The following RGS3 variants were observed in gnomAD, a reference collection of about 807,000 sequenced individuals.
The protein encoded by RGS3 is regulator of G-protein signalling 3.
Under a neutral mutation model 132.6 loss-of-function variants are expected in RGS3, and 80 were observed. The observed-to-expected ratio is 0.60, with a 90% CI of 0.50 to 0.73. RGS3 has a LOEUF of 0.73. RGS3 is among the 30% of genes least tolerant of loss of function. RGS3 has a pLI of 0.00. For synonymous variants in RGS3, 598 were observed against 620.6 expected (o/e 0.96, Z 0.54); for missense variants, 1,382 against 1,530.8 (o/e 0.90, Z 1.62).
chr9:113,463,579 G>GGGC lies in RGS3; in HGVS notation c.415+1378_415+1379insGGC. ...CGTCGCTGCTCAGCGCGGGTCGGCG[G>GGGC]CGCCGCCTCCCCCACCCCGGCCCAG... On this transcript the variant is annotated intron_variant, in intron 3 of 24. Coordinates refer to ENST00000350696, the Ensembl canonical transcript of RGS3. The surrounding 1 kb of genome is among the most constrained non-coding windows in gnomAD (Gnocchi z 4.6). 1.2e-6 allele frequency: 1 copy of GGGC among 860,076 alleles called. No homozygotes were observed. The highest frequency in any genetic ancestry group is 1.6e-6 in the Non-Finnish European group (1 of 620,320). The allele number at this position is 860,076 out of a possible 1,614,324, so 53.3% of individuals were successfully genotyped here. A position where few individuals can be genotyped will look rare whatever the true frequency, so the allele number is the denominator to read the frequency against.
At chr9:113,485,197 C>T (rs1356456907) in intron 6 of RGS3, among the ~76,000 whole-genome samples, 1 of 152,138 alleles carries the variant, frequency 6.6e-6, no homozygotes, top group Non-Finnish European at 1.5e-5. Context: ...ACGCCATTCT[C>T]CTGCCTCAGC....
At position 113,463,483 on chromosome 9, in the gene RGS3, C is replaced by G. The variant is rs1165437930; in HGVS notation, c.415+1282C>G. Among the ~76,000 whole-genome samples, 1 of 152,178 alleles carries G rather than the reference C, an allele frequency of 6.6e-6. No homozygotes were observed. Among genetic ancestry groups the G allele is most frequent in the Non-Finnish European group, 1.5e-5 (1 of 68,016 alleles). ...CTTCTCGTGGGACTGGCATTTCCAA[C>G]CGGGAGCGCGGTGCTGGGGCCGGGA... On this transcript the variant is annotated intron_variant, in intron 3 of 24. Coordinates refer to ENST00000350696, the Ensembl canonical transcript of RGS3. This position sits in a 1 kb window ranked among gnomAD's most constrained non-coding sequence, Gnocchi z 4.6.
At chr9:113,551,220 A>T (rs1174970793) in intron 19 of RGS3, among the ~76,000 whole-genome samples, 2 of 152,258 alleles carry the variant, frequency 1.3e-5, no homozygotes, top group Non-Finnish European at 2.9e-5. Context: ...AGGGAATTAT[A>T]TAATATTTGG....
chr9:113,555,918 T>A (rs1564565395), intron 19 of RGS3, among the ~76,000 whole-genome samples: 1 of 152,216 alleles, frequency 6.6e-6, no homozygotes, highest in African/African-American at 2.4e-5. Flanking sequence ...CATTCTTGAC[T>A]TCTCGATTTT....
At chr9:113,456,126 C>T (rs1032268273), upstream of RGS3, among the ~76,000 whole-genome samples, 2 of 152,186 alleles carry the variant, frequency 1.3e-5, no homozygotes, top group Non-Finnish European at 2.9e-5. Flanking sequence ...TTTTCCTTCC[C>T]CTTTCAGGCC....
At chr9:113,499,484 G>C (rs550263623) in intron 10 of RGS3, among the ~76,000 whole-genome samples, 1 of 152,224 alleles carries the variant, frequency 6.6e-6, no homozygotes, top group Non-Finnish European at 1.5e-5. Flanking sequence ...CCTGTGCATG[G>C]CCTAGCTGGG....
intron 22 of RGS3, 80 bp downstream of exon 20, chr9:113,594,611 GGGGAA>G (rs1377515677): frequency 8.2e-7 from 1 of 1,218,076 alleles, no homozygotes; most frequent in East Asian, 2.4e-5. Flanking sequence ...GTAGGGTTGA[GGGGAA>G]GGGGCTTGCC....
chr9:113,594,846 C>A, intron 22 of RGS3, 73 bp from the exon 21 acceptor site: 2 of 1,465,482 alleles, frequency 1.4e-6, no homozygotes, highest in South Asian at 2.3e-5. Flanking sequence ...AAACAAAGGC[C>A]GCCTGGCCCA....
chr9:113,541,399 CCT>C, intron 19 of RGS3: 2 of 1,613,936 alleles, frequency 1.2e-6, no homozygotes, highest in Non-Finnish European at 1.7e-6. Context: ...AGAAGCTTTA[CCT>C]CACCAGGACA....
intron 18 of RGS3, among the ~76,000 whole-genome samples, chr9:113,531,932 A>G (rs1216186014): frequency 6.6e-6 from 1 of 152,240 alleles, no homozygotes; most frequent in Non-Finnish European, 1.5e-5. Context: ...GTTTTTTACA[A>G]AGATACAGTT....
chr9:113,589,613 C>T (rs1397865817), intron 20 of RGS3, among the ~76,000 whole-genome samples: 2 of 152,182 alleles, frequency 1.3e-5, no homozygotes, highest in Non-Finnish European at 2.9e-5. Flanking sequence ...GGGAGGAAGC[C>T]CAGGGCCCGA....
Position 113,524,095 on chromosome 9 carries a change from A to G in RGS3, c.1870+1054A>G, listed in dbSNP as rs1832089906. Among the ~76,000 whole-genome samples, 4 of 152,290 alleles carry G rather than the reference A, an allele frequency of 2.6e-5. No homozygotes were observed. In the South Asian group the frequency reaches 8.3e-4, roughly 32 times the overall value. On this transcript the variant is annotated intron_variant, in intron 17 of 24. Transcript: ENST00000350696. ...CAGGGCGGTGGGAAGAAGCCGCCTG[A>G]GCAACTCCAGTTCCGGCACTGGCAT...
chr9:113,569,043 C>T (rs1834136777), intron 19 of RGS3, among the ~76,000 whole-genome samples: 1 of 152,240 alleles, frequency 6.6e-6, no homozygotes, highest in South Asian at 2.1e-4. Flanking sequence ...CAGGTATGCT[C>T]CAGATGGCCC....
chr9:113,523,138 G>C (rs2119412036), intron 17 of RGS3, 97 bp downstream of exon 15: 8 of 778,862 alleles, frequency 1.0e-5, no homozygotes, highest in Non-Finnish European at 1.8e-5. Flanking sequence ...GTCATCCGTA[G>C]GGCACTGGAG....
exon 6 of RGS3, chr9:113,484,214 T>C: frequency 6.2e-7 from 1 of 1,607,994 alleles, no homozygotes; most frequent in African/African-American, 1.3e-5. Flanking sequence ...GACCCGGCTT[T>C]CCACGAGCAC....
At chr9:113,480,484 C>G (rs1341905843) in intron 4 of RGS3, among the ~76,000 whole-genome samples, 1 of 145,156 alleles carries the variant, frequency 6.9e-6, no homozygotes, top group South Asian at 2.2e-4. Flanking sequence ...AAAAAGAAAA[C>G]CATACATTCC....
intron 19 of RGS3, among the ~76,000 whole-genome samples, chr9:113,544,652 G>GGTC (rs1175576848): frequency 6.6e-6 from 1 of 152,096 alleles, no homozygotes; most frequent in African/African-American, 2.4e-5. Flanking sequence ...TGGCAACTGG[G>GGTC]GTCCCCAGGC....
intron 18 of RGS3, among the ~76,000 whole-genome samples, chr9:113,533,100 A>C (rs1832540444): frequency 6.6e-6 from 1 of 152,194 alleles, no homozygotes; most frequent in Non-Finnish European, 1.5e-5. Context: ...ATTGGCGATG[A>C]GACTCAGGGA....
chr9:113,537,673 G>T lies in RGS3; in HGVS notation c.2037+755G>T, dbSNP rs72761997. 0.075 allele frequency among the ~76,000 whole-genome samples: 11,400 copies of T among 152,270 alleles called. 548 individuals are homozygous for T. Among genetic ancestry groups the T allele is most frequent in the Non-Finnish European group, 0.096 (6,550 of 68,022 alleles). On this transcript the variant is annotated intron_variant, in intron 19 of 24. Transcript: ENST00000350696. This position sits in a 1 kb window ranked among gnomAD's most constrained non-coding sequence, Gnocchi z 4.3. ...GTTGGCTGCAAAAGTTGCTGAGGTG[G>T]TTGCTCTGCTGGATCTGGGCGAAGA... is the stretch of plus-strand genomic sequence containing the variant.
Sources: allele counts gnomAD v4.1 joint callset (sites outside exome capture counted in the v4.1 genomes callset), GRCh38; gene constraint gnomAD v4.1.1; non-coding constraint Gnocchi (gnomAD v3.1); transcripts MANE v1.5; gene names NCBI Gene and HGNC (gene_info 2026-07-23, HGNC 2026-07-21).